TMPRSS13: variants seen among roughly 807,000 people sequenced by gnomAD.
TMPRSS13 encodes the protein transmembrane serine protease 13.
A neutral mutation model predicts 68.4 loss-of-function variants in TMPRSS13; 50 were observed. That is an observed-to-expected ratio of 0.73 (90% CI 0.58 to 0.93). The LOEUF is 0.93. Ranked by LOEUF, TMPRSS13 falls within the 40% of genes least tolerant of loss-of-function variation. The pLI, the probability that TMPRSS13 is intolerant of heterozygous loss-of-function variation, is 0.00. For synonymous variants in TMPRSS13, 267 were observed against 285.8 expected (o/e 0.93, Z 0.66); for missense variants, 615 against 729.2 (o/e 0.84, Z 1.80).
At chr11:117,913,727 A>G in intron 5 of TMPRSS13, 50 bp downstream of exon 5, 1 of 1,599,598 alleles carries the variant, frequency 6.3e-7, no homozygotes, top group Non-Finnish European at 8.5e-7. Flanking sequence ...CCCTATGAAG[A>G]GCCTGAGACA....
Position 117,908,761 on chromosome 11 carries a change from C to T in TMPRSS13, c.1133G>A (p.Gly378Asp). 6.2e-7 allele frequency: 1 copy of T among 1,607,676 alleles called. No individual in the cohort carries two copies. Among genetic ancestry groups the T allele is most frequent in the African/African-American group, 1.3e-5 (1 of 75,010 alleles). Reference protein sequence around the residue: ...FFVTREKVLEGWKVYAGTSNL... With the variant: ...FFVTREKVLEDWKVYAGTSNL... ...GCTGGTGCCCGCGTACACCTTCCAG[C>T]CCTCCAGGACCTTCTCCCGGGTCCT... is the stretch of plus-strand genomic sequence containing the variant. Residue 378 changes from glycine to aspartate, a missense_variant, in exon 9 of 13, where the codon GGC becomes GAC. Gly to Asp is a moderately conservative substitution (Grantham distance 94). Coordinates refer to ENST00000524993, the MANE Select transcript of TMPRSS13 (RefSeq NM_001077263.3).
At chr11:117,924,767 T>A (rs1406316825) in intron 1 of TMPRSS13, among the ~76,000 whole-genome samples, 1 of 151,784 alleles carries the variant, frequency 6.6e-6, no homozygotes, top group Non-Finnish European at 1.5e-5. Context: ...CCTTTCCTAC[T>A]CTCCCCCTCC....
chr11:117,928,652 G>C (rs1478929525), intron 1 of TMPRSS13, among the ~76,000 whole-genome samples: 1 of 152,220 alleles, frequency 6.6e-6, no homozygotes, highest in East Asian at 1.9e-4. Context: ...CAGAGGACAG[G>C]CCAGCTGCTT....
intron 1 of TMPRSS13, among the ~76,000 whole-genome samples, chr11:117,927,772 G>T (rs2057720724): frequency 6.6e-6 from 1 of 152,210 alleles, no homozygotes; most frequent in Non-Finnish European, 1.5e-5. Flanking sequence ...TTAAATAGGG[G>T]AGTGAAGTTA....
Position 117,902,208 on chromosome 11 carries a change from CCGGTGCTGTGCAGAGCAGCAGG to C in TMPRSS13, c.*9_*30del, listed in dbSNP as rs2057415558. On this transcript the variant is annotated 3_prime_UTR_variant, in exon 13 of 13. Transcript: ENST00000524993. ...ACCATGGCCAGAGTCTTCACAGCAG[CCGGTGCTGTGCAGAGCAGCAGG>C]CCAGCTGGTTAGGATTTTCTGAATC... The C allele has an allele frequency of 6.2e-7, 1 of 1,612,382 alleles. No individual in the cohort carries two copies.
chr11:117,907,179 G>T (rs892836359), intron 9 of TMPRSS13, among the ~76,000 whole-genome samples: 2 of 152,226 alleles, frequency 1.3e-5, no homozygotes, highest in African/African-American at 4.8e-5. Flanking sequence ...GGTTTGACAA[G>T]GTGAGAAGGC....
chr11:117,918,271 C>A, intron 2 of TMPRSS13, 138 bp downstream of exon 2: 1 of 1,096,808 alleles, frequency 9.1e-7, no homozygotes, highest in Non-Finnish European at 1.3e-6. Flanking sequence ...CCCTCAGGTC[C>A]CTCACTTCCC....
chr11:117,903,202 A>T (rs12290911), intron 12 of TMPRSS13: 407,073 of 1,378,602 alleles, frequency 0.3, 61,013 homozygotes, highest in Non-Finnish European at 0.31. Context: ...TTGTGTTTTT[A>T]AAAAAAGACA....
At chr11:117,913,668 G>C (rs1001102513) in intron 5 of TMPRSS13, 109 bp downstream of exon 5, 8 of 1,418,518 alleles carry the variant, frequency 5.6e-6, no homozygotes, top group Admixed American at 2.1e-5. Context: ...ATCAGCCCCG[G>C]TCCCCAAGGG....
chr11:117,908,590 C>G, intron 9 of TMPRSS13, 22 bp downstream of exon 9: 2 of 1,549,812 alleles, frequency 1.3e-6, no homozygotes, highest in Non-Finnish European at 1.7e-6. Context: ...GGCAGGAGAG[C>G]GGGGAGTGCA....
intron 1 of TMPRSS13, among the ~76,000 whole-genome samples, chr11:117,920,290 A>G (rs1230351579): frequency 6.6e-6 from 1 of 152,034 alleles, no homozygotes; most frequent in African/African-American, 2.4e-5. Context: ...CCCAATACAC[A>G]GTGAGGGTGT....
chr11:117,908,375 C>T (rs1239496472), intron 9 of TMPRSS13: 7 of 613,314 alleles, frequency 1.1e-5, no homozygotes, highest in Non-Finnish European at 2.0e-5. Context: ...CTGACTCCGT[C>T]ATCAATTTGT....
rs747984798 is a variant in TMPRSS13, at chr11:117,922,327, C to T, written c.22-3489G>A. On this transcript the variant is annotated intron_variant, in intron 1 of 12. Transcript: ENST00000524993. The surrounding 1 kb of genome is among the most constrained non-coding windows in gnomAD (Gnocchi z 4.2). ...TCGGCTCACTGCAACCTCCACCTCCCGGGTTCAAGTGATTCTCCTTCCTCA... is the reference window on the plus strand; with the variant it reads ...TCGGCTCACTGCAACCTCCACCTCCTGGGTTCAAGTGATTCTCCTTCCTCA... Among the ~76,000 whole-genome samples the T allele has an allele frequency of 3.8e-4, 58 of 152,248 alleles. No individual in the cohort carries two copies. Among genetic ancestry groups the T allele is most frequent in the Non-Finnish European group, 6.5e-4 (44 of 68,026 alleles).
chr11:117,928,618 A>T (rs1307692603), intron 1 of TMPRSS13, among the ~76,000 whole-genome samples: 1 of 152,330 alleles, frequency 6.6e-6, no homozygotes, highest in East Asian at 1.9e-4. Flanking sequence ...GGAAGCCTTC[A>T]TGTGTGTATG....
chr11:117,918,962 G>A (rs761554702), intron 1 of TMPRSS13, 124 bp from the exon 2 acceptor site: 33 of 1,322,714 alleles, frequency 2.5e-5, no homozygotes, highest in Middle Eastern at 1.9e-4. Context: ...AAAGCCCCCC[G>A]GACAAGGAAG....
chr11:117,902,302 C>T (rs1024817997), intron 12 of TMPRSS13, 37 bp from the exon 13 acceptor site: 1 of 1,613,202 alleles, frequency 6.2e-7, no homozygotes, highest in Admixed American at 1.7e-5. Flanking sequence ...TGAGGGTGGG[C>T]CAGGTGGGCG....
In TMPRSS13 at chr11:117,914,455, T is replaced by G. The variant is rs747964150; in HGVS notation, c.616A>C (p.Lys206Gln). 1 of 1,614,006 alleles carries G rather than the reference T, an allele frequency of 6.2e-7. No individual in the cohort carries two copies. The highest frequency in any genetic ancestry group is 8.5e-7 in the Non-Finnish European group (1 of 1,179,978). ...ACCCCGTCACAGCGAACAGCGTGCT[T>G]GGGACAGCTCTCCCTCTGCTCCTTG... is the stretch of plus-strand genomic sequence containing the variant. ...RYKEQRESCP[K>Q]HAVRCDGVVD... Residue 206 changes from lysine to glutamine, a missense_variant, in exon 4 of 13, where the codon AAG becomes CAG. Transcript: ENST00000524993. The surrounding 1 kb of genome is among the most constrained non-coding windows in gnomAD (Gnocchi z 4.2).
At chr11:117,924,531 C>T (rs573218610) in intron 1 of TMPRSS13, among the ~76,000 whole-genome samples, 2 of 152,258 alleles carry the variant, frequency 1.3e-5, no homozygotes, top group Admixed American at 6.5e-5. Flanking sequence ...GGAAGAAAAA[C>T]CCCTCACTAA....
Position 117,914,361 on chromosome 11 carries a change from G to T in TMPRSS13, c.679+31C>A. ...CACACAAACACATGCACATGCACAC[G>T]CACGCGCTCCCCCGCACCCAGCCTC... is the stretch of plus-strand genomic sequence containing the variant. On this transcript the variant is annotated intron_variant, in intron 4 of 12. Coordinates refer to ENST00000524993, the MANE Select transcript of TMPRSS13 (RefSeq NM_001077263.3). This position sits in a 1 kb window ranked among gnomAD's most constrained non-coding sequence, Gnocchi z 4.2. 6.2e-7 allele frequency: 1 copy of T among 1,610,418 alleles called. No individual in the cohort carries two copies. Among genetic ancestry groups the T allele is most frequent in the South Asian group, 1.1e-5 (1 of 90,958 alleles).
Sources: allele counts gnomAD v4.1 joint callset (sites outside exome capture counted in the v4.1 genomes callset), GRCh38; gene constraint gnomAD v4.1.1; non-coding constraint Gnocchi (gnomAD v3.1); transcripts MANE v1.5; gene names NCBI Gene and HGNC (gene_info 2026-07-23, HGNC 2026-07-21).